The following PANK2 variants were observed in gnomAD, a reference collection of about 807,000 sequenced individuals.
The protein encoded by PANK2 is pantothenate kinase 2, mitochondrial.
Under a neutral mutation model 43.1 loss-of-function variants are expected in PANK2, and 36 were observed. The observed-to-expected ratio is 0.84, with a 90% CI of 0.64 to 1.10. PANK2 has a LOEUF of 1.10. PANK2 is among the 50% of genes least tolerant of loss of function. The probability of loss-of-function intolerance (pLI) is 0.00; values close to 1 mark genes in which losing one functional copy is unlikely to be tolerated. For missense variants in PANK2, 576 were observed against 593.3 expected, an observed-to-expected ratio of 0.97 and a Z score of 0.30; for synonymous variants, 281 against 238.2, an observed-to-expected ratio of 1.18 and a Z score of -1.66.
chr20:3,918,026 A>T (rs2090589730), intron 5 of PANK2, among the ~76,000 whole-genome samples: 1 of 152,182 alleles, frequency 6.6e-6, no homozygotes, highest in Non-Finnish European at 1.5e-5. Context: ...GCATGAAGTT[A>T]TTCTTTGGTT....
Position 3,908,135 on chromosome 20 carries a change from G to A in PANK2, c.508G>A (p.Gly170Ser). 6.2e-7 allele frequency: 1 copy of A among 1,614,140 alleles called. No individual in the cohort carries two copies. Among genetic ancestry groups the A allele is most frequent in the Non-Finnish European group, 8.5e-7 (1 of 1,179,998 alleles). Reference sequence around the variant, plus strand: ...GGACCTGACTCTGTGTGGACGCAAAGGCAATCTGCACTTTATACGCTTTCC... The same window carrying A: ...GGACCTGACTCTGTGTGGACGCAAAAGCAATCTGCACTTTATACGCTTTCC... The change falls in exon 2 of 7, where the codon GGC becomes AGC. Residue 170 changes from glycine (G) to serine (S), a missense_variant. Coordinates refer to ENST00000610179, the MANE Select transcript of PANK2 (RefSeq NM_001386393.1).
rs138518601 is a variant in PANK2 at position 3,907,085 on chromosome 20, G to A, written c.299-841G>A. On this transcript the variant is annotated intron_variant, in intron 1 of 6. Transcript: ENST00000610179. Reference sequence around the variant, plus strand: ...GTTGGGATTACAGGCGTGAGCCACCGTGCCCAGCCCTGCCTTTTTTTTTTT... The same window carrying A: ...GTTGGGATTACAGGCGTGAGCCACCATGCCCAGCCCTGCCTTTTTTTTTTT... 2.8e-3 allele frequency among the ~76,000 whole-genome samples: 399 copies of A among 140,994 alleles called. 1 individual carries two copies. The highest frequency in any genetic ancestry group is 5.0e-3 in the Admixed American group (66 of 13,190). The allele number at this position is 140,994 out of a possible 152,430, so 92.5% of individuals were successfully genotyped here. A position where few individuals can be genotyped will look rare whatever the true frequency, so the allele number is the denominator to read the frequency against.
At position 3,929,601 on chromosome 20, in the gene PANK2, C is replaced by T. The variant is rs2090790441; in HGVS notation, c.*6307C>T. The T allele has an allele frequency of 6.6e-6, 1 of 152,458 alleles. No homozygotes were observed. Among genetic ancestry groups the T allele is most frequent in the Admixed American group, 6.5e-5 (1 of 15,292 alleles). The allele number at this position is 152,458 out of a possible 1,614,324, so 9.4% of individuals were successfully genotyped here. On this transcript the variant is annotated 3_prime_UTR_variant, in exon 7 of 7. Coordinates refer to ENST00000610179, the MANE Select transcript of PANK2 (RefSeq NM_001386393.1). Reference sequence around the variant, plus strand: ...AGTGACCACAACAGTTGCAGCCACACATCACCACTGGTCCTCACTTGGAAC... The same window carrying T: ...AGTGACCACAACAGTTGCAGCCACATATCACCACTGGTCCTCACTTGGAAC...
chr20:3,896,613 G>T (rs2146827917), intron 1 of PANK2, among the ~76,000 whole-genome samples: 1 of 152,136 alleles, frequency 6.6e-6, no homozygotes, highest in South Asian at 2.1e-4. Flanking sequence ...GGAGGGGTGG[G>T]GGCTTGAAGG....
chr20:3,923,342 G>A lies in PANK2; in HGVS notation c.*48G>A. 2 of 1,591,456 alleles carry A rather than the reference G, an allele frequency of 1.3e-6. No homozygotes were observed. The highest frequency in any genetic ancestry group is 1.7e-6 in the Non-Finnish European group (2 of 1,159,618). On this transcript the variant is annotated 3_prime_UTR_variant, in exon 7 of 7. Coordinates refer to ENST00000610179, the MANE Select transcript of PANK2 (RefSeq NM_001386393.1). ...TGAAACCTTCCACAATGGGATCTGT[G>A]GACTTTCATTTTTTTAAGAGACTTA...
chr20:3,915,766 T>C (rs1483394859), intron 4 of PANK2, among the ~76,000 whole-genome samples: 1 of 152,216 alleles, frequency 6.6e-6, no homozygotes, highest in African/African-American at 2.4e-5. Flanking sequence ...TTGGCCCCTT[T>C]GTCAAAAATT....
chr20:3,888,953 CGCTGCGGGAG>C, upstream of PANK2: 3 of 570,838 alleles, frequency 5.3e-6, no homozygotes, highest in Admixed American at 6.9e-5. Flanking sequence ...AGCGGCCAGA[CGCTGCGGGAG>C]CACTGCTGGG....
intron 4 of PANK2, among the ~76,000 whole-genome samples, chr20:3,914,714 T>A (rs1184959065): frequency 6.6e-6 from 1 of 151,992 alleles, no homozygotes; most frequent in African/African-American, 2.4e-5. Context: ...ATTCTTCTGC[T>A]TCACCTCGCA....
chr20:3,926,116 G>A lies in PANK2; in HGVS notation c.*2822G>A, dbSNP rs1568594276. 1 of 152,414 alleles carries A rather than the reference G, an allele frequency of 6.6e-6. No individual in the cohort carries two copies. Among genetic ancestry groups the A allele is most frequent in the Non-Finnish European group, 1.5e-5 (1 of 68,192 alleles). 9.4% of individuals were successfully genotyped at this position (152,414 alleles called of 1,614,324 possible). ...TTAGAGGGCTGTGTTGGGAAGTGGT[G>A]ACTGGATACAGGGGAGGGAGGAGAG... On this transcript the variant is annotated 3_prime_UTR_variant, in exon 7 of 7. Transcript: ENST00000610179.
At chr20:3,903,152 T>TC (rs200956691) in intron 1 of PANK2, among the ~76,000 whole-genome samples, 9,533 of 138,916 alleles carry the variant, frequency 0.069, 423 homozygotes, top group East Asian at 0.15. Flanking sequence ...TTTTTTTTTT[T>TC]CCCCCTTTTT....
At chr20:3,905,684 A>G (rs948727026) in intron 1 of PANK2, among the ~76,000 whole-genome samples, 2 of 149,242 alleles carry the variant, frequency 1.3e-5, no homozygotes, top group Middle Eastern at 3.4e-3. Context: ...ATTTTAGAAA[A>G]TAATATATCA....
At position 3,905,151 on chromosome 20, in the gene PANK2, A is replaced by T. The variant is rs73574276; in HGVS notation, c.299-2775A>T. Among the ~76,000 whole-genome samples, 762 of 105,910 alleles carry T rather than the reference A, an allele frequency of 7.2e-3. 3 individuals carry two copies. The highest frequency in any genetic ancestry group is 0.022 in the African/African-American group (702 of 31,844). The allele number at this position is 105,910 out of a possible 152,430, so 69.5% of individuals were successfully genotyped here. A position where few individuals can be genotyped will look rare whatever the true frequency, so the allele number is the denominator to read the frequency against. ...CCACTTGTGCCAAACACATTTCCCC[A>T]CCATCGCTTGTGACTGCACCACTGC... On this transcript the variant is annotated intron_variant, in intron 1 of 6. Transcript: ENST00000610179.
intron 1 of PANK2, among the ~76,000 whole-genome samples, chr20:3,903,869 C>T (rs950928500): frequency 5.9e-5 from 9 of 151,886 alleles, no homozygotes; most frequent in African/African-American, 2.2e-4. Flanking sequence ...CCTTGTGATC[C>T]GGCCGCTTCA....
chr20:3,889,345 G>A (rs995058151), upstream of PANK2: 3 of 1,586,462 alleles, frequency 1.9e-6, no homozygotes, highest in South Asian at 1.1e-5. Flanking sequence ...CTTCCTGCGC[G>A]TTGGCGCAAC....
At chr20:3,905,334 TCTG>T (rs938587402) in intron 1 of PANK2, among the ~76,000 whole-genome samples, 5 of 151,902 alleles carry the variant, frequency 3.3e-5, no homozygotes, top group East Asian at 3.9e-4. Context: ...TAAACCTAGT[TCTG>T]CTGCTGCTAT....
intron 6 of PANK2, among the ~76,000 whole-genome samples, chr20:3,920,911 G>A (rs2146898840): frequency 6.6e-6 from 1 of 152,238 alleles, no homozygotes; most frequent in Non-Finnish European, 1.5e-5. Context: ...GAAATTCTTG[G>A]TTGCATTTTG....
At chr20:3,913,759 T>C (rs1342278736) in intron 4 of PANK2, among the ~76,000 whole-genome samples, 1 of 130,424 alleles carries the variant, frequency 7.7e-6, no homozygotes, top group South Asian at 2.8e-4. Context: ...TTTGTATGTA[T>C]GCACACACAC....
rs144898585 is a variant in PANK2, at chr20:3,910,318, T to G, written c.652-259T>G. ...TGGTTTTTTTTTTTTGTTTTTTTTG[T>G]TTTTTTTTTGGTCACACTTATTCAG... On this transcript the variant is annotated intron_variant, in intron 2 of 6. Coordinates refer to ENST00000610179, the MANE Select transcript of PANK2 (RefSeq NM_001386393.1). Among the ~76,000 whole-genome samples, 38 of 147,584 alleles carry G rather than the reference T, an allele frequency of 2.6e-4. 1 individual carries two copies. The East Asian group carries it at 4.0e-3, about 15-fold the overall frequency.
At chr20:3,921,547 G>A (rs1263866666) in intron 6 of PANK2, 1 of 152,040 alleles carries the variant, frequency 6.6e-6, no homozygotes, top group African/African-American at 2.4e-5. Flanking sequence ...GGTACAGAAA[G>A]CTGCCTAAAA....
Sources: gnomAD v4.1 joint callset for allele counts (sites outside exome capture counted in the v4.1 genomes callset) on GRCh38, gnomAD v4.1.1 for gene constraint, MANE v1.5 for transcripts, NCBI Gene and HGNC (gene_info 2026-07-23, HGNC 2026-07-21) for gene names.